The following TMEM65 variants were observed in gnomAD, a reference collection of about 807,000 sequenced individuals.
TMEM65 encodes transmembrane protein 65.
Under a neutral mutation model 25.4 loss-of-function variants are expected in TMEM65, and 22 were observed. The ratio of observed to expected loss-of-function variants is 0.86; its 90% CI spans 0.62 to 1.23. The LOEUF (loss-of-function observed/expected upper bound fraction) is 1.23, where lower values mean the gene tolerates loss of function less well. TMEM65 is among the 50% of genes most tolerant of loss of function. The pLI, the probability that TMEM65 is intolerant of heterozygous loss-of-function variation, is 0.00. For missense variants in TMEM65, 262 were observed against 308.2 expected (o/e 0.85, Z 1.12); for synonymous variants, 132 against 126.2 (o/e 1.05, Z -0.31).
At chr8:124,369,530 G>A (rs935081855) in intron 1 of TMEM65, among the ~76,000 whole-genome samples, 12 of 152,202 alleles carry the variant, frequency 7.9e-5, no homozygotes, top group African/African-American at 2.6e-4. Flanking sequence ...CCTTTAAATA[G>A]AATTAATTTT....
chr8:124,351,516 GTCTTCTCATA>G (rs1376400082), intron 1 of TMEM65, among the ~76,000 whole-genome samples: 2 of 152,164 alleles, frequency 1.3e-5, no homozygotes, highest in Non-Finnish European at 2.9e-5. Context: ...AACAGTGCTA[GTCTTCTCATA>G]TAACTTCTCA....
chr8:124,359,853 G>C (rs1489770137), intron 1 of TMEM65, among the ~76,000 whole-genome samples: 2 of 152,020 alleles, frequency 1.3e-5, no homozygotes, highest in Non-Finnish European at 2.9e-5. Flanking sequence ...CCACACTAAA[G>C]GCTAAAAGAA....
chr8:124,329,717 C>T (rs569048522), intron 2 of TMEM65, among the ~76,000 whole-genome samples: 25 of 151,786 alleles, frequency 1.6e-4, no homozygotes, highest in Non-Finnish European at 2.8e-4. Flanking sequence ...CCACTGGGCA[C>T]CTGAGATACA....
rs138975692 is a variant in TMEM65 at position 124,363,885 on chromosome 8, T to C, written c.304+7969A>G. ...AAAAAAAACAAGAAGTATCAACAAC[T>C]GCACAGATTCTTCCCCACTTAGCCA... is the stretch of plus-strand genomic sequence containing the variant. On this transcript the variant is annotated intron_variant, in intron 1 of 6. Coordinates refer to ENST00000297632, the MANE Select transcript of TMEM65 (RefSeq NM_194291.3). 8.7e-5 allele frequency among the ~76,000 whole-genome samples: 12 copies of C among 138,044 alleles called. No homozygotes were observed. The East Asian group carries it at 2.3e-3, about 26-fold the overall frequency. The allele number at this position is 138,044 out of a possible 152,430, so 90.6% of individuals were successfully genotyped here. A position where few individuals can be genotyped will look rare whatever the true frequency, so the allele number is the denominator to read the frequency against.
rs184485446 is a variant in TMEM65, at chr8:124,308,666, C to T, written c.*5294G>A. ...AATCAAAAGCTAAGCAATTCAAAAGCTTAGCTTTTGGAGATGAGTGCCTCT... is the reference window on the plus strand; with the variant it reads ...AATCAAAAGCTAAGCAATTCAAAAGTTTAGCTTTTGGAGATGAGTGCCTCT... On this transcript the variant is annotated 3_prime_UTR_variant, in exon 7 of 7. Transcript: ENST00000297632. 6.6e-6 allele frequency: 1 copy of T among 152,196 alleles called. No homozygotes were observed. Among genetic ancestry groups the T allele is most frequent in the East Asian group, 1.9e-4 (1 of 5,180 alleles). The allele number at this position is 152,196 out of a possible 1,614,324, so 9.4% of individuals were successfully genotyped here. A position where few individuals can be genotyped will look rare whatever the true frequency, so the allele number is the denominator to read the frequency against.
rs746855227 is a variant in TMEM65, at chr8:124,323,337, T to C, written c.456A>G (p.Gly152=). 16 of 1,499,366 alleles carry C rather than the reference T, an allele frequency of 1.1e-5. No homozygotes were observed. Among genetic ancestry groups the C allele is most frequent in the Non-Finnish European group, 1.4e-5 (15 of 1,097,132 alleles). 92.9% of individuals were successfully genotyped at this position (1,499,366 alleles called of 1,614,324 possible). The change falls in exon 4 of 7, where the codon GGA becomes GGG. Residue 152 remains glycine, a synonymous_variant. Coordinates refer to ENST00000297632, the MANE Select transcript of TMEM65 (RefSeq NM_194291.3). ...GTTAAATACCTGCCATAGTTGAAAT[T>C]CCCAAAATAATTCCAATAGACATTT... The part of the protein sequence containing the change: ...HIEMSIGIIL[G]ISTMAAAALG...
intron 1 of TMEM65, among the ~76,000 whole-genome samples, chr8:124,351,701 C>A (rs751478808): frequency 4.6e-5 from 7 of 152,164 alleles, no homozygotes; most frequent in Admixed American, 1.3e-4. Flanking sequence ...AGGGTCACTT[C>A]CCCTGAAACG....
rs1814957977 is a variant in TMEM65 at position 124,367,773 on chromosome 8, G to GTT, written c.304+4080_304+4081insAA. 2.6e-5 allele frequency among the ~76,000 whole-genome samples: 4 copies of GTT among 152,208 alleles called. No individual in the cohort carries two copies. In the South Asian group the frequency reaches 8.3e-4, roughly 32 times the overall value. ...TGGGGGACTACAAGATTAAAGTTTA[G>GTT]AATTATTTGGTTAATGTATACAGAC... On this transcript the variant is annotated intron_variant, in intron 1 of 6. Transcript: ENST00000297632.
chr8:124,320,908 T>C (rs1166525415), intron 5 of TMEM65, among the ~76,000 whole-genome samples: 1 of 152,138 alleles, frequency 6.6e-6, no homozygotes, highest in Admixed American at 6.5e-5. Flanking sequence ...AGTTTTTAAA[T>C]ACAAAGACTT....
rs995272426 is a variant in TMEM65, at chr8:124,312,570, C to G, written c.*1390G>C. On this transcript the variant is annotated 3_prime_UTR_variant, in exon 7 of 7. Coordinates refer to ENST00000297632, the MANE Select transcript of TMEM65 (RefSeq NM_194291.3). ...ATTTTAATTTTAAGTTTCTCTCCTCCATGATGTGTTTAATTACGCTGTTAC... is the reference window on the plus strand; with the variant it reads ...ATTTTAATTTTAAGTTTCTCTCCTCGATGATGTGTTTAATTACGCTGTTAC... 5 of 151,874 alleles carry G rather than the reference C, an allele frequency of 3.3e-5. No homozygotes were observed. The highest frequency in any genetic ancestry group is 7.4e-5 in the Non-Finnish European group (5 of 67,858). The allele number at this position is 151,874 out of a possible 1,614,324, so 9.4% of individuals were successfully genotyped here.
rs1814173904 is a variant in TMEM65, at chr8:124,312,347, C to T, written c.*1613G>A. ...TATATGCTATATTTTTATGCTTTCT[C>T]TCCTCAAAGTCTATGATTAAAGGAT... is the stretch of plus-strand genomic sequence containing the variant. On this transcript the variant is annotated 3_prime_UTR_variant, in exon 7 of 7. Transcript: ENST00000297632. 1 of 151,948 alleles carries T rather than the reference C, an allele frequency of 6.6e-6. No individual in the cohort carries two copies. The highest frequency in any genetic ancestry group is 1.5e-5 in the Non-Finnish European group (1 of 67,886). 9.4% of individuals were successfully genotyped at this position (151,948 alleles called of 1,614,324 possible).
At chr8:124,363,095 T>C (rs1814892653) in intron 1 of TMEM65, among the ~76,000 whole-genome samples, 1 of 152,220 alleles carries the variant, frequency 6.6e-6, no homozygotes, top group Non-Finnish European at 1.5e-5. Context: ...ACAAATTTGA[T>C]GCACTTCCAA....
chr8:124,362,904 C>T (rs1461224283), intron 1 of TMEM65, among the ~76,000 whole-genome samples: 1 of 152,116 alleles, frequency 6.6e-6, no homozygotes, highest in Non-Finnish European at 1.5e-5. Context: ...AGAGGAGAGA[C>T]AGATTCCATC....
intron 2 of TMEM65, 54 bp from the exon 3 acceptor site, chr8:124,327,475 T>C (rs766114605): frequency 8.5e-7 from 1 of 1,180,192 alleles, no homozygotes; most frequent in Non-Finnish European, 1.2e-6. Flanking sequence ...TAACTTAGAA[T>C]GACAAAAACA....
chr8:124,314,182 T>C, intron 6 of TMEM65, 121 bp from the exon 7 acceptor site: 1 of 721,572 alleles, frequency 1.4e-6, no homozygotes, highest in South Asian at 1.6e-5. Flanking sequence ...TATATATTCC[T>C]CTTCAATATT....
intron 1 of TMEM65, chr8:124,350,930 C>T: frequency 1.1e-6 from 1 of 950,092 alleles, no homozygotes; most frequent in South Asian, 4.9e-5. Flanking sequence ...CAGTCAAAAA[C>T]ACTAACGCAA....
At position 124,372,004 on chromosome 8, in the gene TMEM65, T is replaced by C; in HGVS notation, c.154A>G (p.Arg52Gly). Residue 52 changes from arginine to glycine, a missense_variant, in exon 1 of 7, where the codon AGG (arginine) becomes GGG (glycine). Physicochemically the swap from Arg to Gly is moderately radical, Grantham distance 125. Coordinates refer to ENST00000297632, the MANE Select transcript of TMEM65 (RefSeq NM_194291.3). The part of the protein sequence containing the change: ...APPGGLPGGP[R>G]RLGTHPKKEP... The stretch of plus-strand genomic sequence containing the variant: ...TTCTTGGGGTGCGTGCCCAGCCGCC[T>C]GGGGCCGCCCGGCAAGCCGCCGGGG... 23 of 1,342,434 alleles carry C rather than the reference T, an allele frequency of 1.7e-5. No homozygotes were observed. The highest frequency in any genetic ancestry group is 3.6e-5 in the South Asian group (2 of 55,408). The allele number at this position is 1,342,434 out of a possible 1,614,324, so 83.2% of individuals were successfully genotyped here. A position where few individuals can be genotyped will look rare whatever the true frequency, so the allele number is the denominator to read the frequency against.
chr8:124,360,997 G>T (rs935516890), intron 1 of TMEM65, among the ~76,000 whole-genome samples: 52 of 152,274 alleles, frequency 3.4e-4, no homozygotes, highest in African/African-American at 1.2e-3. Context: ...GAAAGGTTAA[G>T]TATACTTAGA....
At chr8:124,329,200 T>C (rs1239802058) in intron 2 of TMEM65, among the ~76,000 whole-genome samples, 1 of 151,966 alleles carries the variant, frequency 6.6e-6, no homozygotes, top group African/African-American at 2.4e-5. Flanking sequence ...TTTTTTCAAT[T>C]AAAGAGTCTA....
Sources: allele counts gnomAD v4.1 joint callset (sites outside exome capture counted in the v4.1 genomes callset), GRCh38; gene constraint gnomAD v4.1.1; transcripts MANE v1.5; gene names NCBI Gene and HGNC (gene_info 2026-07-23, HGNC 2026-07-21).